The following FOXN4 variants were observed in gnomAD, a reference collection of about 807,000 sequenced individuals.
FOXN4 encodes the protein forkhead box protein N4.
A neutral mutation model predicts 45.0 loss-of-function variants in FOXN4; 12 were observed. The ratio of observed to expected loss-of-function variants is 0.27; its 90% CI spans 0.17 to 0.43. FOXN4 has a LOEUF of 0.43. FOXN4 is among the 20% of genes least tolerant of loss of function. The pLI is 1.00. For missense variants in FOXN4, 560 were observed against 694.9 expected, an observed-to-expected ratio of 0.81 and a Z score of 2.18; for synonymous variants, 297 against 295.0, an observed-to-expected ratio of 1.01 and a Z score of -0.07.
rs1044999563 is a variant in FOXN4 at position 109,280,571 on chromosome 12, A to G, written c.1295-641T>C. The stretch of plus-strand genomic sequence containing the variant: ...TATCATTATGGTCAAAGCCAGGGGG[A>G]CAAGACAATGTTTCTCTTTCTTCAG... On this transcript the variant is annotated intron_variant, in intron 9 of 9. Coordinates refer to ENST00000299162, the MANE Select transcript of FOXN4 (RefSeq NM_213596.3). Among the ~76,000 whole-genome samples, 3 of 152,134 alleles carry G rather than the reference A, an allele frequency of 2.0e-5. No homozygotes were observed. In the East Asian group the frequency reaches 5.8e-4, roughly 29 times the overall value.
intron 2 of FOXN4, among the ~76,000 whole-genome samples, chr12:109,305,089 C>T (rs1314620930): frequency 1.3e-5 from 2 of 152,130 alleles, no homozygotes; most frequent in Non-Finnish European, 2.9e-5. Context: ...TGCTCATGGC[C>T]AGTGGGACTT....
chr12:109,282,007 C>G (rs1402594403), intron 8 of FOXN4, among the ~76,000 whole-genome samples: 1 of 152,220 alleles, frequency 6.6e-6, no homozygotes, highest in Non-Finnish European at 1.5e-5. Flanking sequence ...ATGAAGGTGT[C>G]TATTAAATAC....
rs1450688199 is a variant in FOXN4 at position 109,290,430 on chromosome 12, T to C, written c.87-144A>G. On this transcript the variant is annotated intron_variant, in intron 2 of 9. Transcript: ENST00000299162. This position sits in a 1 kb window ranked among gnomAD's most constrained non-coding sequence, Gnocchi z 5.1. ...CCTCCAACCTGCCCGTCCCCAGGAC[T>C]GGACACGGGAACCTGGTCCCAGATC... 2 of 987,318 alleles carry C rather than the reference T, an allele frequency of 2.0e-6. No individual in the cohort carries two copies. The highest frequency in any genetic ancestry group is 2.8e-5 in the East Asian group (1 of 35,936). 61.2% of individuals were successfully genotyped at this position (987,318 alleles called of 1,614,324 possible).
In FOXN4 at chr12:109,290,770, G is replaced by A. The variant is rs2047759957; in HGVS notation, c.87-484C>T. Among the ~76,000 whole-genome samples the A allele has an allele frequency of 6.6e-6, 1 of 152,178 alleles. No individual in the cohort carries two copies. Among genetic ancestry groups the A allele is most frequent in the African/African-American group, 2.4e-5 (1 of 41,444 alleles). On this transcript the variant is annotated intron_variant, in intron 2 of 9. Transcript: ENST00000299162. This position sits in a 1 kb window ranked among gnomAD's most constrained non-coding sequence, Gnocchi z 5.1. Reference sequence around the variant, plus strand: ...ATCAGTCACCTGACTCCATGTCCAGGGCAGTTTCCTGCTGTACTGTAGCTG... The same window carrying A: ...ATCAGTCACCTGACTCCATGTCCAGAGCAGTTTCCTGCTGTACTGTAGCTG...
chr12:109,292,155 C>T (rs1241376429), intron 2 of FOXN4, among the ~76,000 whole-genome samples: 4 of 152,206 alleles, frequency 2.6e-5, no homozygotes, highest in Non-Finnish European at 4.4e-5. Context: ...GACAACCTCC[C>T]GGCGCCTGGT....
At position 109,285,411 on chromosome 12, in the gene FOXN4, C is replaced by A. The variant is rs994920166; in HGVS notation, c.794G>T (p.Gly265Val). 4 of 1,613,948 alleles carry A rather than the reference C, an allele frequency of 2.5e-6. No individual in the cohort carries two copies. The African/African-American group carries it at 5.3e-5, about 22-fold the overall frequency. Residue 265 changes from glycine (G) to valine (V), a missense_variant, in exon 8 of 10, where the codon GGC becomes GTC. Around this residue, in one of 5 missense-constraint regions of FOXN4, gnomAD observed 315 missense variants for 350.5 expected, o/e 0.90. Coordinates refer to ENST00000299162, the MANE Select transcript of FOXN4 (RefSeq NM_213596.3). ...GGCCAGGTTCAGAGCCCACAGGCAGCCCTTGCGGGAGGAGCCGCTCATCTT... is the reference window on the plus strand; with the variant it reads ...GGCCAGGTTCAGAGCCCACAGGCAGACCTTGCGGGAGGAGCCGCTCATCTT... ...ENKMSGSSRKGCLWALNLARI... is the reference protein window; with the variant it reads ...ENKMSGSSRKVCLWALNLARI...
At position 109,291,585 on chromosome 12, in the gene FOXN4, CCTGT is replaced by C. The variant is rs1224775408; in HGVS notation, c.87-1303_87-1300del. Among the ~76,000 whole-genome samples the C allele has an allele frequency of 1.3e-5, 2 of 151,994 alleles. No homozygotes were observed. Among genetic ancestry groups the C allele is most frequent in the Non-Finnish European group, 2.9e-5 (2 of 67,986 alleles). ...CACGTTCTCCCTCTCCCTCCTCCTCCCTGTCTCTCTCTCTGCTCCTCCCCATCTC... is the reference window on the plus strand; with the variant it reads ...CACGTTCTCCCTCTCCCTCCTCCTCCCTCTCTCTCTGCTCCTCCCCATCTC... On this transcript the variant is annotated intron_variant, in intron 2 of 9. Coordinates refer to ENST00000299162, the MANE Select transcript of FOXN4 (RefSeq NM_213596.3). The surrounding 1 kb of genome is among the most constrained non-coding windows in gnomAD (Gnocchi z 6.6).
intron 2 of FOXN4, among the ~76,000 whole-genome samples, chr12:109,305,588 G>C (rs2047914291): frequency 6.6e-6 from 1 of 152,074 alleles, no homozygotes; most frequent in South Asian, 2.1e-4. Flanking sequence ...AAATTAGCCA[G>C]GCACGGTTGC....
chr12:109,285,419 G>A lies in FOXN4; in HGVS notation c.786C>T (p.Ser262=). ...EKVENKMSGS[S]RKGCLWALNL... is the part of the protein sequence containing the mutation. ...TCAGAGCCCACAGGCAGCCCTTGCGGGAGGAGCCGCTCATCTTGTTCTCCA... is the reference window on the plus strand; with the variant it reads ...TCAGAGCCCACAGGCAGCCCTTGCGAGAGGAGCCGCTCATCTTGTTCTCCA... Residue 262 remains serine (S), a synonymous_variant, in exon 8 of 10, where the codon TCC becomes TCT. Coordinates refer to ENST00000299162, the MANE Select transcript of FOXN4 (RefSeq NM_213596.3). 3 of 1,614,030 alleles carry A rather than the reference G, an allele frequency of 1.9e-6. No individual in the cohort carries two copies. The highest frequency in any genetic ancestry group is 2.5e-6 in the Non-Finnish European group (3 of 1,179,906).
chr12:109,308,073 C>G (rs1456515404), intron 2 of FOXN4, among the ~76,000 whole-genome samples, 163 bp downstream of exon 2: 1 of 152,162 alleles, frequency 6.6e-6, no homozygotes, highest in East Asian at 1.9e-4. Context: ...GCCCAGACAC[C>G]CTTAGCAAGA....
At chr12:109,283,287 CACAGT>C (rs2047670169) in intron 8 of FOXN4, among the ~76,000 whole-genome samples, 1 of 152,116 alleles carries the variant, frequency 6.6e-6, no homozygotes, top group African/African-American at 2.4e-5. Flanking sequence ...TCTCTCCATT[CACAGT>C]AAAGATTTTG....
At position 109,287,769 on chromosome 12, in the gene FOXN4, G is replaced by A; in HGVS notation, c.468+75C>T. On this transcript the variant is annotated intron_variant, in intron 5 of 9. Coordinates refer to ENST00000299162, the MANE Select transcript of FOXN4 (RefSeq NM_213596.3). The surrounding 1 kb of genome is among the most constrained non-coding windows in gnomAD (Gnocchi z 4.1). ...CCATGTGCTGGGTGAGTAAACTGAGGCTCAGAGGGGTCCCCGGCCAGCCCA... is the reference window on the plus strand; with the variant it reads ...CCATGTGCTGGGTGAGTAAACTGAGACTCAGAGGGGTCCCCGGCCAGCCCA... 1 of 1,360,054 alleles carries A rather than the reference G, an allele frequency of 7.4e-7. No homozygotes were observed. Among genetic ancestry groups the A allele is most frequent in the Non-Finnish European group, 9.9e-7 (1 of 1,014,470 alleles). The allele number at this position is 1,360,054 out of a possible 1,614,324, so 84.2% of individuals were successfully genotyped here. A position where few individuals can be genotyped will look rare whatever the true frequency, so the allele number is the denominator to read the frequency against.
Position 109,279,475 on chromosome 12 carries a change from G to T in FOXN4, c.*196C>A. Reference sequence around the variant, plus strand: ...TGGAAGAGCCCCCAGAAACTGCTCCGGAAGCTCCAGGGGGAGGCACGAGAA... The same window carrying T: ...TGGAAGAGCCCCCAGAAACTGCTCCTGAAGCTCCAGGGGGAGGCACGAGAA... On this transcript the variant is annotated 3_prime_UTR_variant, in exon 10 of 10. Coordinates refer to ENST00000299162, the MANE Select transcript of FOXN4 (RefSeq NM_213596.3). The T allele has an allele frequency of 1.3e-6, 1 of 772,650 alleles. No homozygotes were observed. The highest frequency in any genetic ancestry group is 2.0e-6 in the Non-Finnish European group (1 of 496,110). 47.9% of individuals were successfully genotyped at this position (772,650 alleles called of 1,614,324 possible). A position where few individuals can be genotyped will look rare whatever the true frequency, so the allele number is the denominator to read the frequency against.
chr12:109,285,097 G>A (rs548906784), intron 8 of FOXN4, among the ~76,000 whole-genome samples: 96 of 152,068 alleles, frequency 6.3e-4, no homozygotes, highest in Non-Finnish European at 1.3e-4. Context: ...CCATGCTCCG[G>A]TGGATGGCAG....
At chr12:109,285,244 C>T (rs1313909427) in intron 8 of FOXN4, 60 bp downstream of exon 8, 43 of 1,354,326 alleles carry the variant, frequency 3.2e-5, no homozygotes, top group Middle Eastern at 2.6e-4. Context: ...CTTCCTCTTC[C>T]GTGTGTGTGT....
At chr12:109,295,818 C>A (rs543775313) in intron 2 of FOXN4, among the ~76,000 whole-genome samples, 1 of 152,064 alleles carries the variant, frequency 6.6e-6, no homozygotes, top group Non-Finnish European at 1.5e-5. Flanking sequence ...TCCTTCCACC[C>A]GCTTCCTCCA....
At chr12:109,295,744 C>A (rs188393000) in intron 2 of FOXN4, among the ~76,000 whole-genome samples, 63 of 152,326 alleles carry the variant, frequency 4.1e-4, no homozygotes, top group African/African-American at 1.5e-3. Flanking sequence ...CAAGATCATG[C>A]CACTGCACTC....
In FOXN4 at chr12:109,281,550, A is replaced by C. The variant is rs1403216048; in HGVS notation, c.1151T>G (p.Leu384Arg). ...GGGGCTGAGGTCCGGCAGGGCGTGC[A>C]GTGGCGGGGTCTGGGCTGGTGCTGG... ...DSPAPAQTPPLHALPDLSPSP... is the reference protein window; with the variant it reads ...DSPAPAQTPPRHALPDLSPSP... The change falls in exon 9 of 10, where the codon CTG becomes CGG. Residue 384 changes from leucine (L) to arginine (R), a missense_variant. Transcript: ENST00000299162. 1.2e-6 allele frequency: 2 copies of C among 1,611,570 alleles called. No homozygotes were observed. Among genetic ancestry groups the C allele is most frequent in the Admixed American group, 1.7e-5 (1 of 59,544 alleles).
chr12:109,293,633 A>G (rs1052689898), intron 2 of FOXN4, among the ~76,000 whole-genome samples: 1 of 152,176 alleles, frequency 6.6e-6, no homozygotes, highest in Non-Finnish European at 1.5e-5. Flanking sequence ...GAGTAGCTGG[A>G]AGTACAGGCA....
Sources: gnomAD v4.1 joint callset for allele counts (sites outside exome capture counted in the v4.1 genomes callset) on GRCh38, gnomAD v4.1.1 for gene constraint, gnomAD v4.1.1 regional missense constraint, Gnocchi (gnomAD v3.1) non-coding constraint, MANE v1.5 for transcripts, NCBI Gene and HGNC (gene_info 2026-07-23, HGNC 2026-07-21) for gene names.